ZCCHC7: variants seen among roughly 807,000 people sequenced by gnomAD.
ZCCHC7 encodes zinc finger CCHC-type containing 7.
A neutral mutation model predicts 52.0 loss-of-function variants in ZCCHC7; 35 were observed. That is an observed-to-expected ratio of 0.67 (90% CI 0.51 to 0.89). The LOEUF (loss-of-function observed/expected upper bound fraction) is 0.89, where lower values mean the gene tolerates loss of function less well. Among genes scored for constraint, ZCCHC7 ranks in the 40% least tolerant of loss-of-function variants. The probability of loss-of-function intolerance (pLI) is 0.00; values close to 1 mark genes in which losing one functional copy is unlikely to be tolerated. For missense variants in ZCCHC7, 574 were observed against 649.1 expected (o/e 0.88, Z 1.26); for synonymous variants, 217 against 221.5 (o/e 0.98, Z 0.18).
chr9:37,311,511 C>A (rs1183547639), intron 5 of ZCCHC7, among the ~76,000 whole-genome samples: 2 of 152,086 alleles, frequency 1.3e-5, no homozygotes, highest in Non-Finnish European at 2.9e-5. Context: ...CTCCCAGATT[C>A]GAGCAATTCT....
At chr9:37,201,849 A>G (rs1823646891) in intron 2 of ZCCHC7, among the ~76,000 whole-genome samples, 1 of 152,078 alleles carries the variant, frequency 6.6e-6, no homozygotes, top group Admixed American at 6.6e-5. Flanking sequence ...GCTATACAAA[A>G]CTCATATTAT....
At chr9:37,339,639 T>G (rs1830831790) in intron 6 of ZCCHC7, among the ~76,000 whole-genome samples, 1 of 152,220 alleles carries the variant, frequency 6.6e-6, no homozygotes, top group Non-Finnish European at 1.5e-5. Context: ...GCTCTACTTT[T>G]CTCAGTGTTA....
chr9:37,243,896 C>T (rs777544589), intron 2 of ZCCHC7, among the ~76,000 whole-genome samples: 3 of 151,772 alleles, frequency 2.0e-5, no homozygotes, highest in Non-Finnish European at 3.0e-5. Flanking sequence ...TGGATTTTTA[C>T]GTAGTAGTAA....
chr9:37,175,793 G>A (rs1430558999), intron 2 of ZCCHC7, among the ~76,000 whole-genome samples: 4 of 152,184 alleles, frequency 2.6e-5, no homozygotes, highest in East Asian at 1.9e-4. Context: ...CCCACAAAAT[G>A]ATTTTGTCTC....
In ZCCHC7 at chr9:37,357,802, A is replaced by C. The variant is rs1212117577; in HGVS notation, c.*534A>C. On this transcript the variant is annotated 3_prime_UTR_variant, in exon 9 of 9. Transcript: ENST00000336755. Reference sequence around the variant, plus strand: ...ATCACTAGCTGACTATAAAAACAAAAGTGTCATCATTGAAGCCCTGAAGAG... The same window carrying C: ...ATCACTAGCTGACTATAAAAACAAACGTGTCATCATTGAAGCCCTGAAGAG... The C allele has an allele frequency of 6.6e-6, 1 of 152,268 alleles. No individual in the cohort carries two copies. The highest frequency in any genetic ancestry group is 1.5e-5 in the Non-Finnish European group (1 of 68,110). 9.4% of individuals were successfully genotyped at this position (152,268 alleles called of 1,614,324 possible). A position where few individuals can be genotyped will look rare whatever the true frequency, so the allele number is the denominator to read the frequency against.
chr9:37,206,954 T>C (rs148934531), intron 2 of ZCCHC7, among the ~76,000 whole-genome samples: 33 of 151,234 alleles, frequency 2.2e-4, no homozygotes, highest in Admixed American at 7.9e-4. Context: ...AGTGAAACTG[T>C]AGTCTCTCCA....
intron 6 of ZCCHC7, among the ~76,000 whole-genome samples, chr9:37,342,413 C>A (rs982255996): frequency 2.6e-5 from 4 of 152,124 alleles, no homozygotes; most frequent in African/African-American, 9.7e-5. Flanking sequence ...GTAGAGTTAA[C>A]AGAGATCAAG....
At chr9:37,247,784 C>T (rs1826142140) in intron 2 of ZCCHC7, among the ~76,000 whole-genome samples, 1 of 152,084 alleles carries the variant, frequency 6.6e-6, no homozygotes, top group African/African-American at 2.4e-5. Flanking sequence ...GGCATGGTGG[C>T]ATGTGCCTAT....
intron 2 of ZCCHC7, among the ~76,000 whole-genome samples, chr9:37,198,649 T>C (rs556893395): frequency 4.6e-5 from 7 of 152,370 alleles, no homozygotes; most frequent in African/African-American, 7.2e-5. Context: ...GGCATACTTA[T>C]GTTGTCTTTG....
intron 2 of ZCCHC7, among the ~76,000 whole-genome samples, chr9:37,227,814 C>CT (rs958576726): frequency 8.6e-5 from 13 of 151,654 alleles, no homozygotes; most frequent in East Asian, 1.9e-4. Context: ...CTTTTCTTTT[C>CT]TTTTTTTTGA....
chr9:37,129,439 C>G (rs1043818547), intron 2 of ZCCHC7, among the ~76,000 whole-genome samples: 1 of 152,166 alleles, frequency 6.6e-6, no homozygotes, highest in Non-Finnish European at 1.5e-5. Context: ...TCCACTAATG[C>G]TGTAATCCTA....
chr9:37,236,554 G>T (rs1305968035), intron 2 of ZCCHC7, among the ~76,000 whole-genome samples: 1 of 151,944 alleles, frequency 6.6e-6, no homozygotes, highest in East Asian at 1.9e-4. Flanking sequence ...ACCACGCCCG[G>T]CTAATTTTTT....
intron 2 of ZCCHC7, among the ~76,000 whole-genome samples, chr9:37,231,685 C>T (rs1825415786): frequency 1.3e-5 from 2 of 152,108 alleles, no homozygotes. Context: ...TTGTTGAAAG[C>T]TTCCTATCAC....
intron 2 of ZCCHC7, chr9:37,186,647 C>T: frequency 1.9e-6 from 1 of 521,132 alleles, no homozygotes; most frequent in Non-Finnish European, 3.6e-6. Context: ...ATGTACTTTC[C>T]TAAAAATAAA....
intron 2 of ZCCHC7, among the ~76,000 whole-genome samples, chr9:37,185,470 C>G (rs1442085476): frequency 6.6e-6 from 1 of 152,178 alleles, no homozygotes; most frequent in African/African-American, 2.4e-5. Flanking sequence ...TTTCTGAGGG[C>G]TGCTGTAACA....
At chr9:37,262,834 A>G (rs1380680058) in intron 2 of ZCCHC7, among the ~76,000 whole-genome samples, 1 of 152,072 alleles carries the variant, frequency 6.6e-6, no homozygotes, top group Non-Finnish European at 1.5e-5. Context: ...TCCACCTGAG[A>G]TTTTTGCCCC....
At chr9:37,301,679 TCA>T (rs1829036763) in intron 2 of ZCCHC7, among the ~76,000 whole-genome samples, 1 of 152,182 alleles carries the variant, frequency 6.6e-6, no homozygotes, top group African/African-American at 2.4e-5. Flanking sequence ...CAGAAAGATC[TCA>T]TTTACACAAT....
chr9:37,275,371 A>T (rs1827635585), intron 2 of ZCCHC7, among the ~76,000 whole-genome samples: 1 of 146,720 alleles, frequency 6.8e-6, no homozygotes, highest in Non-Finnish European at 1.5e-5. Flanking sequence ...CAGGAGATAT[A>T]ATTTTGTATA....
At chr9:37,120,202 C>T (rs1290294870), upstream of ZCCHC7, among the ~76,000 whole-genome samples, 1 of 152,176 alleles carries the variant, frequency 6.6e-6, no homozygotes, top group Non-Finnish European at 1.5e-5. Flanking sequence ...GGAGGCGGAG[C>T]CCGGCCTCAA....
Sources: gnomAD v4.1 joint callset for allele counts (sites outside exome capture counted in the v4.1 genomes callset) on GRCh38, gnomAD v4.1.1 for gene constraint, MANE v1.5 for transcripts, NCBI Gene and HGNC (gene_info 2026-07-23, HGNC 2026-07-21) for gene names.